The following SLC25A48 variants were observed in gnomAD, a reference collection of about 807,000 sequenced individuals.
SLC25A48 encodes the protein CTC-321K16.1.
A neutral mutation model predicts 32.2 loss-of-function variants in SLC25A48; 29 were observed. The observed-to-expected ratio is 0.90, with a 90% CI of 0.67 to 1.23. The LOEUF is 1.23. Ranked by LOEUF, SLC25A48 falls within the 50% of genes most tolerant of loss-of-function variation. The pLI is 0.00. For synonymous variants in SLC25A48, 164 were observed against 172.3 expected (o/e 0.95, Z 0.38); for missense variants, 399 against 422.7 (o/e 0.94, Z 0.49).
chr5:135,621,455 T>G (rs1372791685), intron 1 of SLC25A48, among the ~76,000 whole-genome samples: 1 of 152,110 alleles, frequency 6.6e-6, no homozygotes, highest in Non-Finnish European at 1.5e-5. Flanking sequence ...GTCAAGAAAA[T>G]TTTGAAAAAT....
intron 3 of SLC25A48, among the ~76,000 whole-genome samples, chr5:135,768,177 A>AAT (rs1419328249): frequency 1.5e-5 from 2 of 133,898 alleles, no homozygotes; most frequent in Non-Finnish European, 3.2e-5. Flanking sequence ...TATTGGGAGT[A>AAT]ATATCGCAGT....
In SLC25A48 at chr5:135,587,181, C is replaced by T. The variant is rs1055620423; in HGVS notation, c.-849+7584C>T. On this transcript the variant is annotated intron_variant, in intron 1 of 10. Coordinates refer to the SLC25A48 transcript ENST00000646290. ...AAGCAGCTGGGACTACAGGCACATG[C>T]CACTACCCTTGGCTAGTTTTTAAAT... Among the ~76,000 whole-genome samples, 6 of 152,262 alleles carry T rather than the reference C, an allele frequency of 3.9e-5. No homozygotes were observed. The East Asian group carries it at 1.2e-3, about 29-fold the overall frequency.
intron 5 of SLC25A48, 119 bp from the exon 6 acceptor site, chr5:135,873,902 C>A: frequency 8.5e-7 from 1 of 1,177,388 alleles, no homozygotes. Flanking sequence ...GGTTCTAAGC[C>A]TGAGCTCTGT....
At chr5:135,721,672 G>A (rs189823389) in intron 3 of SLC25A48, among the ~76,000 whole-genome samples, 121 of 150,252 alleles carry the variant, frequency 8.1e-4, no homozygotes, top group African/African-American at 2.6e-3. Context: ...AAAAGCAAGC[G>A]TAAGAGCTGG....
intron 2 of SLC25A48, among the ~76,000 whole-genome samples, chr5:135,633,676 T>A (rs1475337412): frequency 6.6e-6 from 1 of 152,076 alleles, no homozygotes; most frequent in Non-Finnish European, 1.5e-5. Flanking sequence ...GTGAGGATGA[T>A]CTAATAGTGT....
chr5:135,591,850 T>C (rs34805597), intron 1 of SLC25A48, among the ~76,000 whole-genome samples: 66,432 of 152,030 alleles, frequency 0.44, 14,805 homozygotes, highest in African/African-American at 0.52. Context: ...CTCTCTCTCC[T>C]TGCTCCCTCC....
intron 3 of SLC25A48, among the ~76,000 whole-genome samples, chr5:135,789,476 T>C (rs35771209): frequency 0.65 from 98,318 of 150,682 alleles, 34,170 homozygotes; most frequent in Non-Finnish European, 0.78. Context: ...TGGTATTACT[T>C]CCCAGGTGTA....
chr5:135,708,177 T>C (rs940753584), intron 3 of SLC25A48, among the ~76,000 whole-genome samples: 1 of 152,214 alleles, frequency 6.6e-6, no homozygotes. Context: ...CTTTTTATTA[T>C]AGAAACTTTT....
chr5:135,717,156 C>T (rs1239451971), intron 3 of SLC25A48, among the ~76,000 whole-genome samples: 1 of 152,216 alleles, frequency 6.6e-6, no homozygotes, highest in Non-Finnish European at 1.5e-5. Context: ...AGCTCACTAC[C>T]TGCTCTTCCT....
intron 3 of SLC25A48, among the ~76,000 whole-genome samples, chr5:135,700,691 C>A (rs896885211): frequency 6.6e-6 from 1 of 152,198 alleles, no homozygotes; most frequent in African/African-American, 2.4e-5. Context: ...GGTGCAGGCA[C>A]CCTCCTCTCT....
intron 3 of SLC25A48, among the ~76,000 whole-genome samples, chr5:135,666,062 G>A (rs1305384596): frequency 3.3e-5 from 5 of 152,172 alleles, no homozygotes; most frequent in African/African-American, 1.2e-4. Context: ...GCATATAGCG[G>A]TCATCCTGTG....
At chr5:135,753,831 C>A (rs1755831265) in intron 3 of SLC25A48, among the ~76,000 whole-genome samples, 1 of 151,626 alleles carries the variant, frequency 6.6e-6, no homozygotes, top group Non-Finnish European at 1.5e-5. Context: ...ATCTCGAGGA[C>A]ATTATTATGC....
chr5:135,814,078 A>T (rs933269109), intron 4 of SLC25A48, among the ~76,000 whole-genome samples: 4 of 152,194 alleles, frequency 2.6e-5, no homozygotes, highest in Middle Eastern at 3.2e-3. Context: ...CATCATGGAA[A>T]ACCAAGTTGC....
chr5:135,793,964 A>G (rs963043124), intron 3 of SLC25A48, among the ~76,000 whole-genome samples: 4 of 150,098 alleles, frequency 2.7e-5, no homozygotes, highest in African/African-American at 4.9e-5. Context: ...GTGATATTAC[A>G]CCCAGTATCG....
intron 5 of SLC25A48, 49 bp from the exon 6 acceptor site, chr5:135,873,972 C>A: frequency 1.5e-5 from 22 of 1,496,048 alleles, no homozygotes; most frequent in Non-Finnish European, 1.9e-5. Flanking sequence ...CCAGGCCCCT[C>A]CAGATCCTAA....
upstream of SLC25A48, chr5:135,834,584 G>T: frequency 2.3e-6 from 1 of 442,888 alleles, no homozygotes; most frequent in Middle Eastern, 5.8e-4. Context: ...GGGATGAGCC[G>T]CGCGGAGCGC....
chr5:135,683,824 G>A (rs938141023), intron 3 of SLC25A48, among the ~76,000 whole-genome samples: 4 of 152,128 alleles, frequency 2.6e-5, no homozygotes, highest in African/African-American at 9.7e-5. Flanking sequence ...GATGCCCTGC[G>A]GGAATCATTC....
At position 135,834,803 on chromosome 5, in the gene SLC25A48, G is replaced by A. The variant is rs769652908; in HGVS notation, c.-45G>A. ...GCGGGCCATGCCCCACTGACTCTAA[G>A]TGGGCACTGCCCCGGCTCCGGGAGG... On this transcript the variant is annotated 5_prime_UTR_variant, in exon 1 of 8. It adds an upstream start codon to the 5' untranslated region. Transcript: ENST00000681962. 1 of 1,551,402 alleles carries A rather than the reference G, an allele frequency of 6.4e-7. No individual in the cohort carries two copies.
At chr5:135,595,595 C>T (rs950485909) in intron 1 of SLC25A48, among the ~76,000 whole-genome samples, 1 of 152,140 alleles carries the variant, frequency 6.6e-6, no homozygotes, top group African/African-American at 2.4e-5. Context: ...TGTGTGGTGG[C>T]AGAAAGGAGG....
Sources: gnomAD v4.1 joint callset for allele counts (sites outside exome capture counted in the v4.1 genomes callset) on GRCh38, gnomAD v4.1.1 for gene constraint, MANE v1.5 for transcripts, NCBI Gene and HGNC (gene_info 2026-07-23, HGNC 2026-07-21) for gene names.